The following TAF4B variants were observed in gnomAD, a reference collection of about 807,000 sequenced individuals.
The protein encoded by TAF4B is TATA-box binding protein associated factor 4b.
Under a neutral mutation model 86.4 loss-of-function variants are expected in TAF4B, and 38 were observed. The observed-to-expected ratio is 0.44, with a 90% CI of 0.34 to 0.58. The LOEUF is 0.58. Ranked by LOEUF, TAF4B falls within the 20% of genes least tolerant of loss-of-function variation. The pLI is 0.02. For synonymous variants in TAF4B, 388 were observed against 391.2 expected, an observed-to-expected ratio of 0.99 and a Z score of 0.10; for missense variants, 988 against 1,027.6, an observed-to-expected ratio of 0.96 and a Z score of 0.53.
Position 26,274,824 on chromosome 18 carries a change from G to C in TAF4B, c.759G>C (p.Pro253=). The change falls in exon 4 of 15, where the codon CCG becomes CCC. Residue 253 remains proline (P), a splice_region_variant and synonymous_variant. Coordinates refer to ENST00000269142, the MANE Select transcript of TAF4B (RefSeq NM_005640.3). ...NSAAVQINLS[P]TMLENVKKCK... ...CAGCTGTTCAGATTAATCTTTCTCC[G>C]GTAAGCTCTTACTTGCACCTTACAT... The C allele has an allele frequency of 1.9e-6, 3 of 1,614,072 alleles. No individual in the cohort carries two copies. The highest frequency in any genetic ancestry group is 2.5e-6 in the Non-Finnish European group (3 of 1,180,006).
In TAF4B at chr18:26,327,029, C is replaced by T. The variant is rs1465384820; in HGVS notation, c.2148C>T (p.Tyr716=). The stretch of plus-strand genomic sequence containing the variant: ...TTTTTTCCCAGGCAAGTGAAAATTA[C>T]ATCCTGTGTAGTGATACCAGGTCAC... ...RMTTYKASEN[Y]ILCSDTRSQL... is the part of the protein sequence containing the mutation. The change falls in exon 12 of 15, where the codon TAC becomes TAT. Residue 716 remains tyrosine (Y), a synonymous_variant. Coordinates refer to ENST00000269142, the MANE Select transcript of TAF4B (RefSeq NM_005640.3). The T allele has an allele frequency of 9.3e-6, 15 of 1,612,578 alleles. No homozygotes were observed. Among genetic ancestry groups the T allele is most frequent in the Non-Finnish European group, 1.3e-5 (15 of 1,179,448 alleles).
At chr18:26,231,342 GGGGTT>G (rs1313676117) in intron 1 of TAF4B, among the ~76,000 whole-genome samples, 3 of 30,924 alleles carry the variant, frequency 9.7e-5, no homozygotes, top group African/African-American at 1.3e-4. Flanking sequence ...CCAGCTGCTT[GGGGTT>G]TTTTTTTTTT....
chr18:26,356,945 A>G (rs903151443), intron 13 of TAF4B, among the ~76,000 whole-genome samples: 2 of 152,156 alleles, frequency 1.3e-5, no homozygotes, highest in African/African-American at 4.8e-5. Flanking sequence ...AGATTTGGGC[A>G]TTCTTGATTA....
At chr18:26,336,018 G>A (rs2057087640) in intron 13 of TAF4B, among the ~76,000 whole-genome samples, 1 of 152,104 alleles carries the variant, frequency 6.6e-6, no homozygotes, top group Non-Finnish European at 1.5e-5. Flanking sequence ...AAGGTTGAAG[G>A]TGCAGTGTGT....
intron 5 of TAF4B, 140 bp from the exon 6 acceptor site, chr18:26,281,831 G>A (rs796930380): frequency 5.1e-6 from 3 of 590,774 alleles, no homozygotes; most frequent in South Asian, 4.6e-5. Flanking sequence ...TTTCATAGGT[G>A]GCATGAAGAA....
intron 13 of TAF4B, among the ~76,000 whole-genome samples, chr18:26,351,355 A>G (rs182398593): frequency 1.7e-4 from 26 of 152,238 alleles, no homozygotes; most frequent in Non-Finnish European, 2.9e-4. Context: ...AGAATAGTAG[A>G]GGATGGAAAG....
chr18:26,376,501 A>G (rs1322317878), intron 14 of TAF4B, among the ~76,000 whole-genome samples: 1 of 146,534 alleles, frequency 6.8e-6, no homozygotes, highest in Non-Finnish European at 1.5e-5. Context: ...TAGAACTACT[A>G]TGTAGTTTTG....
At chr18:26,252,412 A>G (rs572425673) in intron 1 of TAF4B, among the ~76,000 whole-genome samples, 2 of 152,162 alleles carry the variant, frequency 1.3e-5, no homozygotes, top group Non-Finnish European at 2.9e-5. Flanking sequence ...TAGAGGGTTC[A>G]TTAGGATTTT....
intron 1 of TAF4B, among the ~76,000 whole-genome samples, chr18:26,244,287 C>T (rs1335970387): frequency 1.3e-5 from 2 of 152,232 alleles, no homozygotes; most frequent in African/African-American, 2.4e-5. Context: ...GGACCCCTCT[C>T]CCCCAGCCTC....
At chr18:26,364,806 G>A (rs1341108230) in intron 14 of TAF4B, among the ~76,000 whole-genome samples, 1 of 151,940 alleles carries the variant, frequency 6.6e-6, no homozygotes, top group Non-Finnish European at 1.5e-5. Context: ...TCCTAAGATC[G>A]TGTAATTCAG....
chr18:26,321,204 A>AGT lies in TAF4B; in HGVS notation c.2133+4_2133+5insGT, dbSNP rs2056959585. 1 of 1,613,400 alleles carries AGT rather than the reference A, an allele frequency of 6.2e-7. No homozygotes were observed. Among genetic ancestry groups the AGT allele is most frequent in the African/African-American group, 1.3e-5 (1 of 74,914 alleles). ...GCATCGAATGACTACTTACAAGGTAAAGGAAATCATTAAAGAAGTATAAAC... is the reference window on the plus strand; with the variant it reads ...GCATCGAATGACTACTTACAAGGTAAGTAGGAAATCATTAAAGAAGTATAAAC... On this transcript the variant is annotated splice_donor_region_variant and intron_variant, in intron 11 of 14. Coordinates refer to ENST00000269142, the MANE Select transcript of TAF4B (RefSeq NM_005640.3).
intron 9 of TAF4B, among the ~76,000 whole-genome samples, chr18:26,310,675 T>G (rs2056845425): frequency 6.6e-6 from 1 of 152,234 alleles, no homozygotes; most frequent in Admixed American, 6.5e-5. Flanking sequence ...GTAGGTAATG[T>G]GAACATTTTA....
At chr18:26,249,409 A>C (rs1403847218) in intron 1 of TAF4B, among the ~76,000 whole-genome samples, 1 of 151,952 alleles carries the variant, frequency 6.6e-6, no homozygotes, top group African/African-American at 2.4e-5. Context: ...TGAACCCAGG[A>C]GCAGAGGTTG....
chr18:26,246,807 A>G (rs2055932576), intron 1 of TAF4B, among the ~76,000 whole-genome samples: 1 of 151,978 alleles, frequency 6.6e-6, no homozygotes, highest in African/African-American at 2.4e-5. Context: ...TGTTGGCATT[A>G]CAGGCGTGAG....
chr18:26,346,362 C>T (rs2057179283), intron 13 of TAF4B, among the ~76,000 whole-genome samples: 1 of 132,904 alleles, frequency 7.5e-6, no homozygotes, highest in African/African-American at 2.9e-5. Context: ...ATTTATGGGA[C>T]ACCATGAAGC....
intron 2 of TAF4B, among the ~76,000 whole-genome samples, chr18:26,266,598 AC>A (rs1206033381): frequency 1.3e-5 from 2 of 151,998 alleles, no homozygotes; most frequent in African/African-American, 4.8e-5. Context: ...GCGGTGACTC[AC>A]GCCTGTAATC....
At chr18:26,305,659 G>A (rs528064652) in intron 9 of TAF4B, among the ~76,000 whole-genome samples, 2 of 152,068 alleles carry the variant, frequency 1.3e-5, no homozygotes, top group African/African-American at 4.8e-5. Context: ...CACCTGCCTC[G>A]GCCTCCCAAA....
At chr18:26,307,087 CCTTA>C (rs1479610144) in intron 9 of TAF4B, among the ~76,000 whole-genome samples, 3 of 152,036 alleles carry the variant, frequency 2.0e-5, no homozygotes, top group Non-Finnish European at 2.9e-5. Context: ...CCGTGCCCAG[CCTTA>C]CTTCAGTTAC....
At chr18:26,229,061 C>T (rs538136107) in intron 1 of TAF4B, among the ~76,000 whole-genome samples, 24 of 151,994 alleles carry the variant, frequency 1.6e-4, no homozygotes, top group Admixed American at 2.6e-4. Flanking sequence ...TGTATGTGTA[C>T]GGTATGCCTC....
Sources: gnomAD v4.1 joint callset for allele counts (sites outside exome capture counted in the v4.1 genomes callset) on GRCh38, gnomAD v4.1.1 for gene constraint, MANE v1.5 for transcripts, NCBI Gene and HGNC (gene_info 2026-07-23, HGNC 2026-07-21) for gene names.